OMA1: variants seen among roughly 807,000 people sequenced by gnomAD.
OMA1 encodes OMA1 zinc metallopeptidase.
Under a neutral mutation model 30.9 loss-of-function variants are expected in OMA1, and 38 were observed. The ratio of observed to expected loss-of-function variants is 1.23; its 90% CI spans 0.95 to 1.61. The LOEUF (loss-of-function observed/expected upper bound fraction) is 1.61. Ranked by LOEUF, OMA1 falls within the 40% of genes most tolerant of loss-of-function variation. The pLI is 0.00. For synonymous variants in OMA1, 173 were observed against 121.9 expected (o/e 1.42, Z -2.76); for missense variants, 461 against 349.2 (o/e 1.32, Z -2.55).
chr1:58,528,527 T>C lies in OMA1; in HGVS notation c.1141-1192A>G, dbSNP rs954820345. 1.1e-4 allele frequency among the ~76,000 whole-genome samples: 17 copies of C among 152,206 alleles called. 1 individual carries two copies. Among genetic ancestry groups the C allele is most frequent in the Admixed American group, 6.5e-5 (1 of 15,280 alleles). On this transcript the variant is annotated intron_variant, in intron 6 of 8. Coordinates refer to ENST00000371226, the MANE Select transcript of OMA1 (RefSeq NM_145243.5). ...GTCCTCCAGGGACATTTACAAATGT[T>C]TGGAAATATTTATTACTGTCATAAC...
chr1:58,504,612 T>C (rs528326009), intron 8 of OMA1, among the ~76,000 whole-genome samples: 2 of 152,342 alleles, frequency 1.3e-5, no homozygotes, highest in East Asian at 3.9e-4. Context: ...AAACAGACTG[T>C]TTTGTTCCTT....
chr1:58,492,302 A>G (rs1645710293), intron 8 of OMA1, among the ~76,000 whole-genome samples: 1 of 152,206 alleles, frequency 6.6e-6, no homozygotes, highest in Non-Finnish European at 1.5e-5. Context: ...AATGCTCACA[A>G]AAGAAAGCAG....
At chr1:58,511,322 C>A (rs1455035334) in intron 7 of OMA1, among the ~76,000 whole-genome samples, 1 of 152,068 alleles carries the variant, frequency 6.6e-6, no homozygotes, top group Non-Finnish European at 1.5e-5. Flanking sequence ...TAAGCCCACA[C>A]AAATACAGAT....
chr1:58,509,600 G>GAA lies in OMA1; in HGVS notation c.1216-3393_1216-3392dup, dbSNP rs36019471. 8.3e-5 allele frequency among the ~76,000 whole-genome samples: 8 copies of GAA among 96,640 alleles called. No individual in the cohort carries two copies. The East Asian group carries it at 9.9e-4, about 12-fold the overall frequency. The allele number at this position is 96,640 out of a possible 152,430, so 63.4% of individuals were successfully genotyped here. ...TATACCTGTAAGATCTACCAAAAAAGAAAAAAAAAAAAGGACTAAGCCCAA... is the reference window on the plus strand; with the variant it reads ...TATACCTGTAAGATCTACCAAAAAAGAAAAAAAAAAAAAAGGACTAAGCCCAA... On this transcript the variant is annotated intron_variant, in intron 7 of 8. Transcript: ENST00000371226.
intron 1 of OMA1, among the ~76,000 whole-genome samples, chr1:58,544,506 T>C (rs1267236971): frequency 6.6e-6 from 1 of 152,256 alleles, no homozygotes; most frequent in East Asian, 1.9e-4. Flanking sequence ...TTTCACCTTA[T>C]ATATTTCTGT....
intron 1 of OMA1, among the ~76,000 whole-genome samples, chr1:58,539,959 G>A (rs1646579120): frequency 6.6e-6 from 1 of 152,102 alleles, no homozygotes; most frequent in Admixed American, 6.6e-5. Context: ...CTAGAGTTCT[G>A]CAGAGAATCC....
At chr1:58,497,279 G>A (rs935040879) in intron 8 of OMA1, among the ~76,000 whole-genome samples, 5 of 152,108 alleles carry the variant, frequency 3.3e-5, no homozygotes, top group African/African-American at 1.2e-4. Flanking sequence ...CTTTAGGGAC[G>A]TAAGGACCAA....
intron 8 of OMA1, among the ~76,000 whole-genome samples, chr1:58,481,789 T>A (rs979525111): frequency 6.6e-6 from 1 of 152,152 alleles, no homozygotes; most frequent in Non-Finnish European, 1.5e-5. Flanking sequence ...GATGGTTTTA[T>A]AAAGGGCAGT....
chr1:58,520,799 A>G (rs1458485446), intron 7 of OMA1, among the ~76,000 whole-genome samples: 1 of 152,186 alleles, frequency 6.6e-6, no homozygotes, highest in African/African-American at 2.4e-5. Context: ...GATACTTTTA[A>G]GATGTACACG....
At chr1:58,505,270 T>C in intron 8 of OMA1, among the ~76,000 whole-genome samples, 1 of 152,234 alleles carries the variant, frequency 6.6e-6, no homozygotes, top group East Asian at 1.9e-4. Context: ...GGATCTGTTG[T>C]GCTATGCCTT....
chr1:58,511,298 A>G (rs1201421902), intron 7 of OMA1, among the ~76,000 whole-genome samples: 3 of 152,198 alleles, frequency 2.0e-5, no homozygotes, highest in Non-Finnish European at 2.9e-5. Flanking sequence ...GGAACAGAAG[A>G]GAGAGCCCAA....
At position 58,506,172 on chromosome 1, in the gene OMA1, T is replaced by A; in HGVS notation, c.1253A>T (p.Gln418Leu). 1 of 872,162 alleles carries A rather than the reference T, an allele frequency of 1.1e-6. No individual in the cohort carries two copies. The highest frequency in any genetic ancestry group is 1.3e-5 in the South Asian group (1 of 76,490). The allele number at this position is 872,162 out of a possible 1,614,324, so 54.0% of individuals were successfully genotyped here. ...ADIRASSVFW[Q>L]QMEFVDSLHG... is the part of the protein sequence containing the mutation. Reference sequence around the variant, plus strand: ...CAGGCTATCAACGAACTCCATTTGCTGCCAAAACACTGAACTGGCTCTTAT... The same window carrying A: ...CAGGCTATCAACGAACTCCATTTGCAGCCAAAACACTGAACTGGCTCTTAT... The change falls in exon 8 of 9, where the codon CAG (glutamine) becomes CTG (leucine). Residue 418 changes from glutamine (Q) to leucine (L), a missense_variant. Gln to Leu is a moderately radical substitution (Grantham distance 113). Coordinates refer to ENST00000371226, the MANE Select transcript of OMA1 (RefSeq NM_145243.5).
At chr1:58,495,117 T>C (rs1399693823) in intron 8 of OMA1, among the ~76,000 whole-genome samples, 1 of 152,102 alleles carries the variant, frequency 6.6e-6, no homozygotes, top group Non-Finnish European at 1.5e-5. Flanking sequence ...ATGTCCTTTG[T>C]AGGGACATGG....
At chr1:58,531,758 G>A (rs1646438014) in intron 5 of OMA1, among the ~76,000 whole-genome samples, 2 of 152,016 alleles carry the variant, frequency 1.3e-5, no homozygotes, top group South Asian at 4.2e-4. Context: ...TGCCCAAGCT[G>A]GAGTGCAGTG....
At chr1:58,522,090 C>A (rs7354819) in intron 7 of OMA1, among the ~76,000 whole-genome samples, 17,696 of 152,054 alleles carry the variant, frequency 0.12, 1,226 homozygotes, top group African/African-American at 0.18. Context: ...TGCAACTTAA[C>A]TTTAAAAAAA....
chr1:58,492,465 A>G (rs1012254312), intron 8 of OMA1, among the ~76,000 whole-genome samples: 88 of 152,342 alleles, frequency 5.8e-4, no homozygotes, highest in African/African-American at 2.0e-3. Context: ...CAAAAAATCA[A>G]TGAATCCAGG....
chr1:58,507,898 A>T (rs1646014005), intron 7 of OMA1, among the ~76,000 whole-genome samples: 2 of 152,180 alleles, frequency 1.3e-5, no homozygotes, highest in African/African-American at 4.8e-5. Context: ...CACAAACAAA[A>T]AACCCCTCTG....
At chr1:58,516,640 G>A (rs116370791) in intron 7 of OMA1, among the ~76,000 whole-genome samples, 118 of 152,228 alleles carry the variant, frequency 7.8e-4, no homozygotes, top group African/African-American at 2.8e-3. Flanking sequence ...AGAACCCTAG[G>A]GAAAGTGGGC....
chr1:58,506,320 G>A (rs1197962271), intron 7 of OMA1, 111 bp from the exon 8 acceptor site: 2 of 621,550 alleles, frequency 3.2e-6, no homozygotes, highest in Non-Finnish European at 5.5e-6. Flanking sequence ...AAGTTTTAGG[G>A]TACATGTGCA....
Sources: allele counts gnomAD v4.1 joint callset (sites outside exome capture counted in the v4.1 genomes callset), GRCh38; gene constraint gnomAD v4.1.1; transcripts MANE v1.5; gene names NCBI Gene and HGNC (gene_info 2026-07-23, HGNC 2026-07-21).